PBX4: variants seen among roughly 807,000 people sequenced by gnomAD.
The protein encoded by PBX4 is PBX homeobox 4.
A neutral mutation model predicts 35.1 loss-of-function variants in PBX4; 26 were observed. The observed-to-expected ratio is 0.74, with a 90% CI of 0.54 to 1.03. The LOEUF is 1.03. Among genes scored for constraint, PBX4 ranks in the 50% least tolerant of loss-of-function variants. The pLI, the probability that PBX4 is intolerant of heterozygous loss-of-function variation, is 0.00. For synonymous variants in PBX4, 199 were observed against 204.2 expected (o/e 0.97, Z 0.22); for missense variants, 448 against 504.3 (o/e 0.89, Z 1.07).
intron 1 of PBX4, among the ~76,000 whole-genome samples, chr19:19,600,017 C>T (rs1163917585): frequency 6.6e-6 from 1 of 151,380 alleles, no homozygotes; most frequent in Admixed American, 6.6e-5. Context: ...TGTCATGCAC[C>T]TGTAATCCCA....
Position 19,562,015 on chromosome 19 carries a change from T to A in PBX4, c.*10A>T. On this transcript the variant is annotated 3_prime_UTR_variant, in exon 8 of 8. Transcript: ENST00000251203. The surrounding 1 kb of genome is among the most constrained non-coding windows in gnomAD (Gnocchi z 4.8). ...CTCACGCAGCGCTCTTTCCTGCTTA[T>A]CCCCCAAACTTAATTAGATGTACTG... The A allele has an allele frequency of 6.2e-7, 1 of 1,607,186 alleles. No homozygotes were observed.
At chr19:19,612,972 A>G (rs547539073) in intron 1 of PBX4, among the ~76,000 whole-genome samples, 3 of 151,680 alleles carry the variant, frequency 2.0e-5, no homozygotes, top group Admixed American at 2.0e-4. Flanking sequence ...ACAGGTGGGC[A>G]TCATCATGCC....
chr19:19,568,274 G>A (rs2061356780), intron 5 of PBX4, among the ~76,000 whole-genome samples: 1 of 144,540 alleles, frequency 6.9e-6, no homozygotes, highest in Admixed American at 6.9e-5. Context: ...AACCCTCAGG[G>A]AGCTCACACT....
chr19:19,613,240 A>G (rs966660171), intron 1 of PBX4, among the ~76,000 whole-genome samples: 86 of 151,400 alleles, frequency 5.7e-4, no homozygotes, highest in African/African-American at 2.0e-3. Context: ...CCGAGGTGGG[A>G]GGATCACCTG....
intron 2 of PBX4, among the ~76,000 whole-genome samples, chr19:19,571,103 C>T (rs1300819535): frequency 6.6e-6 from 1 of 152,214 alleles, no homozygotes; most frequent in Non-Finnish European, 1.5e-5. Context: ...AAACCTTGGT[C>T]ACAGCTGTGT....
intron 2 of PBX4, among the ~76,000 whole-genome samples, chr19:19,578,767 C>T (rs976074947): frequency 1.3e-5 from 2 of 152,172 alleles, no homozygotes; most frequent in Admixed American, 6.5e-5. Context: ...TCCAAATTCA[C>T]ATGTCGAAGC....
chr19:19,583,964 GA>G (rs2144739602), intron 2 of PBX4, among the ~76,000 whole-genome samples: 1 of 152,310 alleles, frequency 6.6e-6, no homozygotes, highest in Non-Finnish European at 1.5e-5. Flanking sequence ...AGCTACTCGG[GA>G]GGCTGAGGCA....
At chr19:19,570,085 T>G in intron 4 of PBX4, 24 bp downstream of exon 4, 1 of 1,549,252 alleles carries the variant, frequency 6.5e-7, no homozygotes, top group Non-Finnish European at 8.7e-7. Flanking sequence ...GCCCTTGAGG[T>G]TTTGGGTACG....
At chr19:19,599,404 T>G (rs776992922) in intron 1 of PBX4, 39 bp from the exon 2 acceptor site, 3 of 1,541,914 alleles carry the variant, frequency 1.9e-6, no homozygotes, top group Non-Finnish European at 2.7e-6. Flanking sequence ...GAGAAAAGAA[T>G]AGTCATCATC....
intron 1 of PBX4, among the ~76,000 whole-genome samples, chr19:19,599,668 T>C (rs1303939427): frequency 6.6e-6 from 1 of 151,842 alleles, no homozygotes. Flanking sequence ...TGAAACCCTA[T>C]CTCTATTAAA....
intron 2 of PBX4, 46 bp downstream of exon 2, chr19:19,599,246 C>G (rs1233241688): frequency 2.6e-6 from 4 of 1,512,700 alleles, no homozygotes. Context: ...GGATTACAGG[C>G]ATGAGCCACC....
chr19:19,573,458 A>G lies in PBX4; in HGVS notation c.194-2625T>C, dbSNP rs1355146430. ...AATATGAGAAAAGTGGGAAGATTTC[A>G]AGAAGAATCCACACACCCTGTTAAA... On this transcript the variant is annotated intron_variant, in intron 2 of 7. Transcript: ENST00000251203. 2.0e-5 allele frequency among the ~76,000 whole-genome samples: 3 copies of G among 152,102 alleles called. No individual in the cohort carries two copies. The East Asian group carries it at 5.8e-4, about 29-fold the overall frequency.
At position 19,561,945 on chromosome 19, in the gene PBX4, G is replaced by A. The variant is rs1187369790; in HGVS notation, c.*80C>T. ...CCCATCTGGGTTTTCTGAGGTCGTC[G>A]GCGGCACGTTCAGTAACAAAGCAAC... On this transcript the variant is annotated 3_prime_UTR_variant, in exon 8 of 8. Coordinates refer to ENST00000251203, the MANE Select transcript of PBX4 (RefSeq NM_025245.3). 3.9e-6 allele frequency: 5 copies of A among 1,277,374 alleles called. No homozygotes were observed. The highest frequency in any genetic ancestry group is 1.4e-5 in the South Asian group (1 of 71,418). The allele number at this position is 1,277,374 out of a possible 1,614,324, so 79.1% of individuals were successfully genotyped here.
At chr19:19,607,968 C>G (rs551267805) in intron 1 of PBX4, among the ~76,000 whole-genome samples, 1 of 152,168 alleles carries the variant, frequency 6.6e-6, no homozygotes, top group African/African-American at 2.4e-5. Context: ...ATTATTTTAG[C>G]TGACAAAAGC....
intron 2 of PBX4, among the ~76,000 whole-genome samples, chr19:19,584,882 A>G (rs1413975107): frequency 6.6e-6 from 1 of 151,688 alleles, no homozygotes; most frequent in African/African-American, 2.4e-5. Context: ...TTGGCCTCCC[A>G]AAGGGCTGGG....
intron 2 of PBX4, among the ~76,000 whole-genome samples, chr19:19,584,000 C>T (rs1013374637): frequency 2.6e-5 from 4 of 152,030 alleles, no homozygotes; most frequent in African/African-American, 7.2e-5. Context: ...ACCCACGAGG[C>T]GGAGGTTGTG....
Position 19,563,963 on chromosome 19 carries a change from A to C in PBX4, c.926-348T>G. 5.2e-6 allele frequency: 1 copy of C among 191,728 alleles called. No individual in the cohort carries two copies. Among genetic ancestry groups the C allele is most frequent in the Non-Finnish European group, 1.1e-5 (1 of 91,790 alleles). The allele number at this position is 191,728 out of a possible 1,614,324, so 11.9% of individuals were successfully genotyped here. On this transcript the variant is annotated intron_variant, in intron 6 of 7. Coordinates refer to ENST00000251203, the MANE Select transcript of PBX4 (RefSeq NM_025245.3). This position sits in a 1 kb window ranked among gnomAD's most constrained non-coding sequence, Gnocchi z 5.1. ...GCTGGGACTACAGGCGCCCACCACCACGCCCAGATAATTTGTTTTTTCTTT... is the reference window on the plus strand; with the variant it reads ...GCTGGGACTACAGGCGCCCACCACCCCGCCCAGATAATTTGTTTTTTCTTT...
intron 2 of PBX4, among the ~76,000 whole-genome samples, chr19:19,581,859 A>G (rs2061456461): frequency 6.6e-6 from 1 of 152,154 alleles, no homozygotes; most frequent in Non-Finnish European, 1.5e-5. Context: ...GCAAGGTGAC[A>G]GTGTGAGAAT....
In PBX4 at chr19:19,588,488, A is replaced by ATTTTTTAATGATAC; in HGVS notation, c.193+10803_193+10804insGTATCATTAAAAAA. 6 of 667,556 alleles carry ATTTTTTAATGATAC rather than the reference A, an allele frequency of 9.0e-6. No homozygotes were observed. The East Asian group carries it at 1.4e-4, about 16-fold the overall frequency. The allele number at this position is 667,556 out of a possible 1,614,324, so 41.4% of individuals were successfully genotyped here. ...GAGACAGGGTTTCACCATGTTGGCCAGGCTGGTCTCGAACTCCTGACCTCG... is the reference window on the plus strand; with the variant it reads ...GAGACAGGGTTTCACCATGTTGGCCATTTTTTAATGATACGGCTGGTCTCGAACTCCTGACCTCG... On this transcript the variant is annotated intron_variant, in intron 2 of 7. Transcript: ENST00000251203.
Sources: gnomAD v4.1 joint callset for allele counts (sites outside exome capture counted in the v4.1 genomes callset) on GRCh38, gnomAD v4.1.1 for gene constraint, Gnocchi (gnomAD v3.1) non-coding constraint, MANE v1.5 for transcripts, NCBI Gene and HGNC (gene_info 2026-07-23, HGNC 2026-07-21) for gene names.